The following MIB1 variants were observed in gnomAD, a reference collection of about 807,000 sequenced individuals.
MIB1 encodes MIB E3 ubiquitin protein ligase 1.
A neutral mutation model predicts 124.5 loss-of-function variants in MIB1; 278 were observed. The observed-to-expected ratio is 2.23, with a 90% CI of 2.02 to 2.47. MIB1 has a LOEUF of 2.47. Ranked by LOEUF, MIB1 falls within the 30% of genes most tolerant of loss-of-function variation. MIB1 has a pLI of 0.00. For synonymous variants in MIB1, 446 were observed against 429.4 expected (o/e 1.04, Z -0.48); for missense variants, 957 against 1,254.4 (o/e 0.76, Z 3.58).
At chr18:21,786,859 G>A (rs1393168311) in intron 6 of MIB1, among the ~76,000 whole-genome samples, 1 of 152,064 alleles carries the variant, frequency 6.6e-6, no homozygotes, top group Non-Finnish European at 1.5e-5. Flanking sequence ...TGTTATCTTA[G>A]AGTTCAACTG....
intron 15 of MIB1, among the ~76,000 whole-genome samples, chr18:21,845,187 T>G (rs904584939): frequency 1.3e-5 from 2 of 151,984 alleles, no homozygotes; most frequent in African/African-American, 2.4e-5. Flanking sequence ...ATTTTTTGTA[T>G]TGTTTTTAGT....
At chr18:21,864,388 A>C in intron 20 of MIB1, 138 bp from the exon 21 acceptor site, 1 of 631,164 alleles carries the variant, frequency 1.6e-6, no homozygotes, top group Non-Finnish European at 2.7e-6. Context: ...ACTATTTAAA[A>C]ATGTTAAAAA....
chr18:21,798,170 T>A lies in MIB1; in HGVS notation c.1179T>A (p.Asn393Lys), dbSNP rs777677120. The part of the protein sequence containing the change: ...VEVCGTSWTY[N>K]PAAVSKVASA... ...TTTGTGGAACATCTTGGACATACAA[T>A]CCAGCAGCAGTTTCCAAGGTGGCAT... Residue 393 changes from asparagine (N) to lysine (K), a missense_variant, in exon 8 of 21, where the codon AAT becomes AAA. By Grantham distance (94) the Asn-to-Lys change is moderately conservative. Transcript: ENST00000261537. The A allele has an allele frequency of 6.2e-7, 1 of 1,613,236 alleles. No homozygotes were observed. The highest frequency in any genetic ancestry group is 8.5e-7 in the Non-Finnish European group (1 of 1,179,464).
intron 1 of MIB1, among the ~76,000 whole-genome samples, chr18:21,726,261 A>T (rs1469769472): frequency 1.3e-5 from 2 of 152,106 alleles, no homozygotes; most frequent in Admixed American, 6.6e-5. Context: ...AATAAAAATT[A>T]AAAAAGATTG....
At chr18:21,826,297 G>T (rs917695290) in intron 12 of MIB1, 5 of 153,494 alleles carry the variant, frequency 3.3e-5, no homozygotes, top group African/African-American at 1.2e-4. Flanking sequence ...TTGTTGATGG[G>T]TGTAGGAATA....
Position 21,798,171 on chromosome 18 carries a change from C to A in MIB1, c.1180C>A (p.Pro394Thr), listed in dbSNP as rs747261013. The part of the protein sequence containing the change: ...EVCGTSWTYN[P>T]AAVSKVASAG... The stretch of plus-strand genomic sequence containing the variant: ...TTGTGGAACATCTTGGACATACAAT[C>A]CAGCAGCAGTTTCCAAGGTGGCATC... Residue 394 changes from proline (P) to threonine (T), a missense_variant, in exon 8 of 21, where the codon CCA (proline) becomes ACA (threonine). Coordinates refer to ENST00000261537, the MANE Select transcript of MIB1 (RefSeq NM_020774.4). 6.2e-7 allele frequency: 1 copy of A among 1,613,294 alleles called. No individual in the cohort carries two copies.
intron 20 of MIB1, among the ~76,000 whole-genome samples, chr18:21,860,994 G>C (rs2042271750): frequency 6.6e-6 from 1 of 152,132 alleles, no homozygotes; most frequent in South Asian, 2.1e-4. Flanking sequence ...AGCTATGACA[G>C]CGCCACTACA....
intron 1 of MIB1, among the ~76,000 whole-genome samples, chr18:21,721,829 T>C (rs1232313826): frequency 6.6e-6 from 1 of 152,246 alleles, no homozygotes; most frequent in African/African-American, 2.4e-5. Context: ...GGTTCCCATA[T>C]TGATCACCTG....
rs1300823942 is a variant in MIB1 at position 21,866,123 on chromosome 18, T to G, written c.*1457T>G. 1 of 152,228 alleles carries G rather than the reference T, an allele frequency of 6.6e-6. No individual in the cohort carries two copies. The highest frequency in any genetic ancestry group is 1.9e-4 in the East Asian group (1 of 5,200). The allele number at this position is 152,228 out of a possible 1,614,324, so 9.4% of individuals were successfully genotyped here. On this transcript the variant is annotated 3_prime_UTR_variant, in exon 21 of 21. Coordinates refer to ENST00000261537, the MANE Select transcript of MIB1 (RefSeq NM_020774.4). ...TTGTAGTTTTTTTCCCTCCTTTAAA[T>G]CTGGCTAGCTTTTCTTACTTCAGTT...
chr18:21,849,075 T>C, intron 16 of MIB1, 121 bp from the exon 17 acceptor site: 1 of 637,906 alleles, frequency 1.6e-6, no homozygotes, highest in Non-Finnish European at 2.6e-6. Flanking sequence ...ATGTTAAAGC[T>C]TAATTTTTTA....
chr18:21,795,313 T>A (rs866112822), intron 7 of MIB1, among the ~76,000 whole-genome samples: 60 of 133,212 alleles, frequency 4.5e-4, no homozygotes, highest in Non-Finnish European at 6.5e-4. Flanking sequence ...TAAATATATA[T>A]TATATATAAT....
Position 21,846,974 on chromosome 18 carries a change from GAGA to G in MIB1, c.2249_2251del (p.Lys750del), listed in dbSNP as rs2042140150. 2 of 1,613,976 alleles carry G rather than the reference GAGA, an allele frequency of 1.2e-6. No homozygotes were observed. Among genetic ancestry groups the G allele is most frequent in the African/African-American group, 1.3e-5 (1 of 74,914 alleles). On this transcript the variant is annotated inframe_deletion, in exon 16 of 21. Coordinates refer to ENST00000261537, the MANE Select transcript of MIB1 (RefSeq NM_020774.4). ...AATGGGACTTGGTACCCAGGGGGCA[GAGA>G]AGAAGAGTGCAGCATCTATTGCCTG...
At chr18:21,731,569 T>C (rs1468805240) in intron 1 of MIB1, among the ~76,000 whole-genome samples, 1 of 151,820 alleles carries the variant, frequency 6.6e-6, no homozygotes, top group African/African-American at 2.4e-5. Context: ...CCGTCTCTAC[T>C]ATAAATACAA....
At chr18:21,825,657 A>G (rs553988687) in intron 12 of MIB1, 2 of 516,850 alleles carry the variant, frequency 3.9e-6, no homozygotes, top group South Asian at 2.9e-5. Context: ...TTGGCAAGTA[A>G]TTGATATTCA....
chr18:21,782,641 C>T (rs376756819), intron 6 of MIB1, among the ~76,000 whole-genome samples: 2 of 152,018 alleles, frequency 1.3e-5, no homozygotes, highest in East Asian at 3.8e-4. Context: ...TACTTTATAC[C>T]ATTTCAACTT....
chr18:21,792,166 C>T (rs2146443779), intron 7 of MIB1, among the ~76,000 whole-genome samples: 1 of 152,192 alleles, frequency 6.6e-6, no homozygotes, highest in East Asian at 1.9e-4. Flanking sequence ...CCTTATGCTT[C>T]CTTCTTCTGT....
At chr18:21,854,102 A>T (rs1341076957) in intron 18 of MIB1, among the ~76,000 whole-genome samples, 1 of 152,110 alleles carries the variant, frequency 6.6e-6, no homozygotes, top group Non-Finnish European at 1.5e-5. Flanking sequence ...TTTTGCCTAA[A>T]GTGACTGTTT....
chr18:21,800,087 C>A, intron 9 of MIB1, 113 bp downstream of exon 9: 1 of 808,028 alleles, frequency 1.2e-6, no homozygotes, highest in Non-Finnish European at 1.8e-6. Flanking sequence ...TTTCTTCTTT[C>A]TTGTTTTTGT....
In MIB1 at chr18:21,856,697, C is replaced by T. The variant is rs182577457; in HGVS notation, c.2666-433C>T. Among the ~76,000 whole-genome samples, 293 of 152,104 alleles carry T rather than the reference C, an allele frequency of 1.9e-3. 2 individuals carry two copies. The highest frequency in any genetic ancestry group is 3.4e-3 in the Middle Eastern group (1 of 294). ...ACCTATGTAACAAACCTGCACGTTC[C>T]GCACATGTATCCCAGAGCTTAAAGT... is the stretch of plus-strand genomic sequence containing the variant. On this transcript the variant is annotated intron_variant, in intron 18 of 20. Coordinates refer to ENST00000261537, the MANE Select transcript of MIB1 (RefSeq NM_020774.4).
Sources: gnomAD v4.1 joint callset for allele counts (sites outside exome capture counted in the v4.1 genomes callset) on GRCh38, gnomAD v4.1.1 for gene constraint, MANE v1.5 for transcripts, NCBI Gene and HGNC (gene_info 2026-07-23, HGNC 2026-07-21) for gene names.